DMD: variants seen among roughly 807,000 people sequenced by gnomAD.
DMD encodes mutant dystrophin.
A neutral mutation model predicts 330.1 loss-of-function variants in DMD; 63 were observed. That is an observed-to-expected ratio of 0.19 (90% confidence interval 0.16 to 0.24). DMD has a LOEUF of 0.24. Ranked by LOEUF, DMD falls within the 10% of genes least tolerant of loss-of-function variation. DMD has a pLI of 1.00. For missense variants in DMD, 3,344 were observed against 2,684.1 expected (o/e 1.25, Z -5.43); for synonymous variants, 1,223 against 959.8 (o/e 1.27, Z -5.07).
At position 32,946,693 on chromosome X, in the gene DMD, T is replaced by C. The variant is rs1024198197; in HGVS notation, c.93+73446A>G. On this transcript the variant is annotated intron_variant, in intron 2 of 78. Transcript: ENST00000357033. The stretch of plus-strand genomic sequence containing the variant: ...TGCAAACATATGTTTATGAAGTCCC[T>C]GCTTCGTTGACATTTTTTTTCTTGT... Among the ~76,000 whole-genome samples, 8 of 112,302 alleles carry C rather than the reference T, an allele frequency of 7.1e-5. No homozygotes were observed. In the Admixed American group the frequency reaches 7.6e-4, roughly 11 times the overall value.
chrX:33,090,813 A>G (rs1227990978), intron 1 of DMD, among the ~76,000 whole-genome samples: 1 of 111,184 alleles, frequency 9.0e-6, no homozygotes, highest in Non-Finnish European at 1.9e-5. Flanking sequence ...CTATAACAGG[A>G]TAATTTTAAG....
intron 47 of DMD, among the ~76,000 whole-genome samples, chrX:31,879,217 G>C (rs950763910): frequency 1.9e-5 from 2 of 103,781 alleles, no homozygotes; most frequent in Non-Finnish European, 4.0e-5. Context: ...GGCGGGGGGG[G>C]GCCTCACAAT....
At chrX:33,018,580 T>G (rs1299114618) in intron 2 of DMD, among the ~76,000 whole-genome samples, 4 of 107,216 alleles carry the variant, frequency 3.7e-5, no homozygotes, top group Non-Finnish European at 7.8e-5. Flanking sequence ...TACACAGTAC[T>G]TGTCATGTTT....
At chrX:31,510,407 G>C (rs187547068) in intron 55 of DMD, among the ~76,000 whole-genome samples, 1 of 110,736 alleles carries the variant, frequency 9.0e-6, no homozygotes, top group Non-Finnish European at 1.9e-5. Flanking sequence ...AGTGACTGTT[G>C]AGGGAAAAGC....
At chrX:33,067,954 T>A (rs1425986356) in intron 1 of DMD, among the ~76,000 whole-genome samples, 1 of 112,242 alleles carries the variant, frequency 8.9e-6, no homozygotes, top group East Asian at 2.8e-4. Flanking sequence ...TACTGTAACT[T>A]TTAGTTGTCT....
At chrX:32,511,524 G>GAA (rs67754841) in intron 18 of DMD, among the ~76,000 whole-genome samples, 27 of 49,765 alleles carry the variant, frequency 5.4e-4, no homozygotes, top group Admixed American at 1.6e-3. Flanking sequence ...TCCGTCTCGG[G>GAA]AAAAAAAAAA....
At chrX:33,217,409 A>T (rs781460213) in intron 1 of DMD, among the ~76,000 whole-genome samples, 1 of 111,916 alleles carries the variant, frequency 8.9e-6, no homozygotes, top group African/African-American at 3.2e-5. Context: ...CTCCAATTCC[A>T]TTAATACAGT....
intron 44 of DMD, among the ~76,000 whole-genome samples, chrX:32,089,606 A>G (rs1384778768): frequency 8.9e-6 from 1 of 111,944 alleles, no homozygotes; most frequent in Non-Finnish European, 1.9e-5. Context: ...TGTCGCTGCA[A>G]AGGACATGAT....
At chrX:32,303,465 T>G (rs1161975779) in intron 42 of DMD, among the ~76,000 whole-genome samples, 1 of 111,278 alleles carries the variant, frequency 9.0e-6, no homozygotes, top group African/African-American at 3.3e-5. Flanking sequence ...AGCACTGCAG[T>G]TACATGGGTT....
intron 55 of DMD, among the ~76,000 whole-genome samples, chrX:31,625,837 T>A (rs2078807163): frequency 8.9e-6 from 1 of 111,844 alleles, no homozygotes; most frequent in Admixed American, 9.6e-5. Context: ...TTTTATTAAA[T>A]CCCTGACATA....
intron 30 of DMD, among the ~76,000 whole-genome samples, chrX:32,400,027 T>A (rs1010704571): frequency 1.8e-5 from 2 of 111,513 alleles, no homozygotes; most frequent in African/African-American, 6.5e-5. Flanking sequence ...GGCATCCCTG[T>A]CTTGTGCCAG....
In DMD at chrX:33,146,552, C is replaced by T. The variant is rs112532385; in HGVS notation, c.31+64730G>A. Among the ~76,000 whole-genome samples, 1,052 of 110,798 alleles carry T rather than the reference C, an allele frequency of 9.5e-3. 11 individuals carry two copies. Among genetic ancestry groups the T allele is most frequent in the African/African-American group, 0.033 (991 of 30,468 alleles). On this transcript the variant is annotated intron_variant, in intron 1 of 78. Coordinates refer to ENST00000357033, the MANE Select transcript of DMD (RefSeq NM_004006.3). ...ATGCAAATGGAAAAACTGAGGCACA[C>T]GAGTTTAAGAAACTCCCAGAACTAC... is the stretch of plus-strand genomic sequence containing the variant.
At chrX:32,605,601 A>C (rs988779699) in intron 12 of DMD, among the ~76,000 whole-genome samples, 1 of 110,963 alleles carries the variant, frequency 9.0e-6, no homozygotes, top group Admixed American at 9.6e-5. Flanking sequence ...AAAAACAATC[A>C]ACAGAATGAA....
At chrX:32,454,250 T>C (rs1342124256) in intron 26 of DMD, among the ~76,000 whole-genome samples, 1 of 111,439 alleles carries the variant, frequency 9.0e-6, no homozygotes, top group African/African-American at 3.2e-5. Flanking sequence ...TGTTTCCAAA[T>C]TCTCAGAAAT....
At chrX:31,857,380 GAAAAAAAAAAAAAAA>G (rs57685055) in intron 48 of DMD, among the ~76,000 whole-genome samples, 31 of 36,771 alleles carry the variant, frequency 8.4e-4, no homozygotes, top group African/African-American at 2.4e-3. Flanking sequence ...CTCCACCTCG[GAAAAAAAAAAAAAAA>G]AAAAAAAAAA....
intron 7 of DMD, among the ~76,000 whole-genome samples, chrX:32,768,340 A>G (rs1468587790): frequency 2.7e-5 from 3 of 111,767 alleles, no homozygotes; most frequent in Non-Finnish European, 5.7e-5. Flanking sequence ...TATCGTAACA[A>G]TGAAAAACAA....
chrX:31,500,355 A>G (rs748540975), intron 56 of DMD, among the ~76,000 whole-genome samples: 5 of 112,365 alleles, frequency 4.4e-5, no homozygotes, highest in African/African-American at 6.5e-5. Context: ...GGTAAGCTCC[A>G]GAACCATTCT....
intron 50 of DMD, among the ~76,000 whole-genome samples, chrX:31,802,880 G>A (rs1312130325): frequency 1.8e-5 from 2 of 111,243 alleles, no homozygotes; most frequent in East Asian, 5.7e-4. Context: ...ATGAGGACTT[G>A]GGTACAGATA....
At chrX:31,425,249 C>T (rs1357518417) in intron 60 of DMD, among the ~76,000 whole-genome samples, 1 of 112,260 alleles carries the variant, frequency 8.9e-6, no homozygotes, top group Non-Finnish European at 1.9e-5. Flanking sequence ...ACTGTGAGCT[C>T]TGAAAAGGCA....
Sources: gnomAD v4.1 joint callset for allele counts (sites outside exome capture counted in the v4.1 genomes callset) on GRCh38, gnomAD v4.1.1 for gene constraint, MANE v1.5 for transcripts, NCBI Gene and HGNC (gene_info 2026-07-23, HGNC 2026-07-21) for gene names.